The following PLCXD3 variants were observed in gnomAD, a reference collection of about 807,000 sequenced individuals.
The protein encoded by PLCXD3 is PI-PLC X domain-containing protein 3.
In PLCXD3, 19 loss-of-function variants were observed where a neutral mutation model predicts 25.5. That is an observed-to-expected ratio of 0.75 (90% CI 0.52 to 1.09). The LOEUF is 1.09. Among genes scored for constraint, PLCXD3 ranks in the 50% least tolerant of loss-of-function variants. The pLI is 0.00. For synonymous variants in PLCXD3, 174 were observed against 137.6 expected (o/e 1.26, Z -1.85); for missense variants, 411 against 388.1 (o/e 1.06, Z -0.50).
intron 1 of PLCXD3, among the ~76,000 whole-genome samples, chr5:41,474,475 A>G (rs556344984): frequency 2.0e-5 from 3 of 152,264 alleles, no homozygotes; most frequent in Admixed American, 2.0e-4. Flanking sequence ...TCAGCCTCTA[A>G]CATTTCTCCC....
intron 2 of PLCXD3, among the ~76,000 whole-genome samples, chr5:41,370,779 C>A (rs1213516760): frequency 1.3e-5 from 2 of 152,176 alleles, no homozygotes; most frequent in Admixed American, 6.5e-5. Flanking sequence ...AAGAGGACAA[C>A]AAACCAATTT....
At chr5:41,373,769 G>C (rs1181386422) in intron 2 of PLCXD3, among the ~76,000 whole-genome samples, 1 of 152,048 alleles carries the variant, frequency 6.6e-6, no homozygotes, top group Admixed American at 6.6e-5. Flanking sequence ...ATGTTAATTG[G>C]CTTTGGTGGG....
chr5:41,482,943 A>C (rs1421396315), intron 1 of PLCXD3, among the ~76,000 whole-genome samples: 1 of 152,190 alleles, frequency 6.6e-6, no homozygotes, highest in Non-Finnish European at 1.5e-5. Flanking sequence ...CCTCCACCCT[A>C]GCACTGGCAA....
At chr5:41,338,692 C>T (rs954564783) in intron 2 of PLCXD3, among the ~76,000 whole-genome samples, 2 of 152,030 alleles carry the variant, frequency 1.3e-5, no homozygotes, top group Non-Finnish European at 2.9e-5. Flanking sequence ...AAGTCTATTC[C>T]TCTTCAACGT....
At chr5:41,392,717 A>G (rs577983908) in intron 1 of PLCXD3, among the ~76,000 whole-genome samples, 1 of 152,344 alleles carries the variant, frequency 6.6e-6, no homozygotes, top group Non-Finnish European at 1.5e-5. Context: ...TAACTAAATG[A>G]GGCACCAGGG....
intron 1 of PLCXD3, among the ~76,000 whole-genome samples, chr5:41,431,461 CAATCACTTTCAT>C (rs1240705410): frequency 6.6e-6 from 1 of 152,200 alleles, no homozygotes; most frequent in Admixed American, 6.5e-5. Context: ...TCATACAACA[CAATCACTTTCAT>C]GATGAATTTA....
rs191768004 is a variant in PLCXD3, at chr5:41,359,201, G to A, written c.812+22625C>T. 2.0e-3 allele frequency among the ~76,000 whole-genome samples: 301 copies of A among 152,234 alleles called. 2 individuals are homozygous for A. Among genetic ancestry groups the A allele is most frequent in the African/African-American group, 6.9e-3 (288 of 41,544 alleles). On this transcript the variant is annotated intron_variant, in intron 2 of 2. Transcript: ENST00000377801. The stretch of plus-strand genomic sequence containing the variant: ...TCTTTTTTTGTTATGTCCTTCCCTG[G>A]TTTTGGTATTAGGGTGTTACTGGTT...
intron 2 of PLCXD3, among the ~76,000 whole-genome samples, chr5:41,340,292 C>T (rs1744102641): frequency 6.6e-6 from 1 of 152,120 alleles, no homozygotes; most frequent in Non-Finnish European, 1.5e-5. Context: ...TAACATGATA[C>T]TGTGAAATGA....
At chr5:41,449,356 T>C (rs1294210891) in intron 1 of PLCXD3, among the ~76,000 whole-genome samples, 1 of 152,212 alleles carries the variant, frequency 6.6e-6, no homozygotes, top group Non-Finnish European at 1.5e-5. Flanking sequence ...AAGTATAGCT[T>C]AGAGCATAGT....
chr5:41,413,301 T>C (rs935874595), intron 1 of PLCXD3, among the ~76,000 whole-genome samples: 3 of 152,198 alleles, frequency 2.0e-5, no homozygotes, highest in Non-Finnish European at 4.4e-5. Flanking sequence ...TCAATTGCAG[T>C]GTCAGACCAG....
intron 2 of PLCXD3, among the ~76,000 whole-genome samples, chr5:41,321,860 G>T (rs920024520): frequency 1.3e-5 from 2 of 152,140 alleles, no homozygotes; most frequent in Non-Finnish European, 2.9e-5. Flanking sequence ...GGGAAAATTG[G>T]ATATCCAGAT....
At chr5:41,391,197 TGA>T (rs1490312553) in intron 1 of PLCXD3, among the ~76,000 whole-genome samples, 2 of 152,134 alleles carry the variant, frequency 1.3e-5, no homozygotes, top group Admixed American at 1.3e-4. Flanking sequence ...GACAGTGGAC[TGA>T]GGTGGAACAT....
intron 2 of PLCXD3, among the ~76,000 whole-genome samples, chr5:41,331,435 A>G (rs1580304644): frequency 6.6e-6 from 1 of 152,202 alleles, no homozygotes; most frequent in East Asian, 1.9e-4. Flanking sequence ...GCTCAAGGAA[A>G]TAAAAGAGGA....
intron 2 of PLCXD3, among the ~76,000 whole-genome samples, chr5:41,376,814 T>C (rs1298997958): frequency 6.6e-6 from 1 of 152,162 alleles, no homozygotes; most frequent in Non-Finnish European, 1.5e-5. Context: ...CAAATACCAA[T>C]TTTAATATGC....
Position 41,388,426 on chromosome 5 carries a change from C to G in PLCXD3, c.104-5892G>C, listed in dbSNP as rs113996415. 2.0e-5 allele frequency among the ~76,000 whole-genome samples: 3 copies of G among 151,920 alleles called. No homozygotes were observed. The South Asian group carries it at 6.2e-4, about 31-fold the overall frequency. On this transcript the variant is annotated intron_variant, in intron 1 of 2. Coordinates refer to ENST00000377801, the MANE Select transcript of PLCXD3 (RefSeq NM_001005473.3). ...ACTGCCACTGTCACCTCCAGGATAG[C>G]CAGATACCATATTCAGTACTCAAGA...
At chr5:41,478,570 C>T (rs1268939217) in intron 1 of PLCXD3, among the ~76,000 whole-genome samples, 1 of 152,096 alleles carries the variant, frequency 6.6e-6, no homozygotes, top group East Asian at 1.9e-4. Flanking sequence ...AGCTGATGTA[C>T]TTTACTTAAA....
chr5:41,412,368 A>G (rs1746576033), intron 1 of PLCXD3, among the ~76,000 whole-genome samples: 1 of 152,196 alleles, frequency 6.6e-6, no homozygotes, highest in African/African-American at 2.4e-5. Flanking sequence ...TCTTTTATTA[A>G]TTATACCGAA....
At chr5:41,339,314 C>T (rs533710339) in intron 2 of PLCXD3, among the ~76,000 whole-genome samples, 1 of 152,140 alleles carries the variant, frequency 6.6e-6, no homozygotes, top group African/African-American at 2.4e-5. Context: ...AGGAGAAACA[C>T]GAAAATTTGG....
chr5:41,354,035 T>C (rs1479788466), intron 2 of PLCXD3, among the ~76,000 whole-genome samples: 1 of 152,210 alleles, frequency 6.6e-6, no homozygotes, highest in African/African-American at 2.4e-5. Context: ...CTTTTTTCTA[T>C]TTTCTTCCAA....
Sources: allele counts gnomAD v4.1 joint callset (sites outside exome capture counted in the v4.1 genomes callset), GRCh38; gene constraint gnomAD v4.1.1; transcripts MANE v1.5; gene names NCBI Gene and HGNC (gene_info 2026-07-23, HGNC 2026-07-21).